ZDHHC21: variants seen among roughly 807,000 people sequenced by gnomAD.
ZDHHC21 encodes palmitoyltransferase ZDHHC21.
A neutral mutation model predicts 34.6 loss-of-function variants in ZDHHC21; 15 were observed. The ratio of observed to expected loss-of-function variants is 0.43; its 90% confidence interval spans 0.29 to 0.67. ZDHHC21 has a LOEUF of 0.67. Among genes scored for constraint, ZDHHC21 ranks in the 30% least tolerant of loss-of-function variants. The probability of loss-of-function intolerance (pLI) is 0.14; values close to 1 mark genes in which losing one functional copy is unlikely to be tolerated. For missense variants in ZDHHC21, 344 were observed against 327.7 expected (o/e 1.05, Z -0.38); for synonymous variants, 142 against 101.8 (o/e 1.40, Z -2.38).
At chr9:14,602,013 G>C in the ZDHHC21 span, among the ~76,000 whole-genome samples, 1 of 151,988 alleles carries the variant, frequency 6.6e-6, no homozygotes, top group East Asian at 1.9e-4. Flanking sequence ...GGGGAGCTAG[G>C]GGAGGGATAG....
In ZDHHC21 at chr9:14,662,271, G is replaced by C. The variant is rs751884209; in HGVS notation, c.309C>G (p.Ser103=). ...AGTGGCCGCAGCGGCTACAGTGATG[G>C]GAACGCTTTGGTCTCATCAAATTAC... ...NKCNLMRPKR[S]HHCSRCGHCV... is the part of the protein sequence containing the mutation. The change falls in exon 6 of 10, where the codon TCC becomes TCG. Residue 103 remains serine, a synonymous_variant. Transcript: ENST00000380916. 3.7e-6 allele frequency: 6 copies of C among 1,612,836 alleles called. No homozygotes were observed. In the Admixed American group the frequency reaches 8.4e-5, roughly 23 times the overall value.
intron 8 of ZDHHC21, among the ~76,000 whole-genome samples, chr9:14,628,053 G>A (rs1430255186): frequency 1.3e-5 from 2 of 152,126 alleles, no homozygotes; most frequent in African/African-American, 4.8e-5. Context: ...AATATAAATT[G>A]TAGTAAAAAC....
chr9:14,598,505 G>T, the ZDHHC21 span, among the ~76,000 whole-genome samples: 1 of 152,128 alleles, frequency 6.6e-6, no homozygotes, highest in African/African-American at 2.4e-5. Context: ...TATTACATGA[G>T]ATGTGCAGAT....
At chr9:14,623,242 G>C (rs1825621553) in intron 8 of ZDHHC21, among the ~76,000 whole-genome samples, 1 of 152,114 alleles carries the variant, frequency 6.6e-6, no homozygotes, top group African/African-American at 2.4e-5. Flanking sequence ...GCTGGGTGCG[G>C]TGGCTCACGC....
intron 2 of ZDHHC21, among the ~76,000 whole-genome samples, chr9:14,681,368 T>G (rs1324350298): frequency 6.6e-6 from 1 of 152,100 alleles, no homozygotes; most frequent in African/African-American, 2.4e-5. Flanking sequence ...TACAGCTGGG[T>G]ACCACTGCAA....
chr9:14,626,269 A>G (rs926760624), intron 8 of ZDHHC21, among the ~76,000 whole-genome samples: 1 of 152,128 alleles, frequency 6.6e-6, no homozygotes, highest in African/African-American at 2.4e-5. Context: ...AACCATAAAT[A>G]TAAGATTTAC....
chr9:14,684,591 T>C (rs1296638727), intron 2 of ZDHHC21, among the ~76,000 whole-genome samples: 1 of 151,552 alleles, frequency 6.6e-6, no homozygotes, highest in Admixed American at 6.6e-5. Context: ...TGCTCATGGG[T>C]AGGAAGAATC....
chr9:14,619,048 G>A lies in ZDHHC21; in HGVS notation c.716C>T (p.Thr239Ile), dbSNP rs570322324. The A allele has an allele frequency of 6.2e-7, 1 of 1,612,248 alleles. No homozygotes were observed. Among genetic ancestry groups the A allele is most frequent in the South Asian group, 1.1e-5 (1 of 90,874 alleles). Reference protein sequence around the residue: ...WQQTFSEVFGTRWKILWFIPF... With the variant: ...WQQTFSEVFGIRWKILWFIPF... ...AATGAACCACAGGATCTTCCAACGA[G>A]TGCCAAAAACTTCTGAGAAGGTCTG... Residue 239 changes from threonine (T) to isoleucine (I), a missense_variant, in exon 10 of 10, where the codon ACT becomes ATT. Coordinates refer to ENST00000380916, the MANE Select transcript of ZDHHC21 (RefSeq NM_178566.6).
rs1202809202 is a variant in ZDHHC21 at position 14,611,257 on chromosome 9, C to T, written c.*7709G>A. On this transcript the variant is annotated 3_prime_UTR_variant, in exon 10 of 10. Transcript: ENST00000380916. ...AACAACATTGTTCTTAAGGTAGATA[C>T]ATGGTTTGATTTTCACATTAAGAAC... 3 of 151,962 alleles carry T rather than the reference C, an allele frequency of 2.0e-5. No homozygotes were observed. The highest frequency in any genetic ancestry group is 7.2e-5 in the African/African-American group (3 of 41,400). 9.4% of individuals were successfully genotyped at this position (151,962 alleles called of 1,614,324 possible). A position where few individuals can be genotyped will look rare whatever the true frequency, so the allele number is the denominator to read the frequency against.
Position 14,613,402 on chromosome 9 carries a change from C to G in ZDHHC21, c.*5564G>C, listed in dbSNP as rs1415092989. ...GTTATAAAACACGAACTTCAGGCAC[C>G]AGTAGGTTAAAATATCATCCAATGT... On this transcript the variant is annotated 3_prime_UTR_variant, in exon 10 of 10. Transcript: ENST00000380916. The G allele has an allele frequency of 6.6e-6, 1 of 151,676 alleles. No individual in the cohort carries two copies. The highest frequency in any genetic ancestry group is 2.4e-5 in the African/African-American group (1 of 41,352). The allele number at this position is 151,676 out of a possible 1,614,324, so 9.4% of individuals were successfully genotyped here. A position where few individuals can be genotyped will look rare whatever the true frequency, so the allele number is the denominator to read the frequency against.
At chr9:14,670,448 T>G (rs1342542552) in intron 5 of ZDHHC21, among the ~76,000 whole-genome samples, 2 of 152,152 alleles carry the variant, frequency 1.3e-5, no homozygotes, top group African/African-American at 4.8e-5. Flanking sequence ...AAAATTCAAA[T>G]TTCTGGGTCC....
intron 8 of ZDHHC21, among the ~76,000 whole-genome samples, chr9:14,629,954 G>A (rs1827032735): frequency 6.6e-6 from 1 of 152,160 alleles, no homozygotes; most frequent in South Asian, 2.1e-4. Context: ...GCTGAGGCAG[G>A]AGAATCGCTT....
chr9:14,636,196 T>G (rs912424253), intron 8 of ZDHHC21, among the ~76,000 whole-genome samples: 1 of 152,042 alleles, frequency 6.6e-6, no homozygotes, highest in African/African-American at 2.4e-5. Flanking sequence ...TAAAGACACA[T>G]AGACTGAAAG....
chr9:14,654,902 C>T (rs7853156), intron 7 of ZDHHC21, among the ~76,000 whole-genome samples: 23,673 of 151,818 alleles, frequency 0.16, 2,098 homozygotes, highest in South Asian at 0.34. Context: ...TAAGTAGAAT[C>T]CCAGAACTGC....
intron 2 of ZDHHC21, among the ~76,000 whole-genome samples, chr9:14,684,841 G>T (rs892425111): frequency 1.3e-5 from 2 of 152,140 alleles, no homozygotes; most frequent in Non-Finnish European, 2.9e-5. Flanking sequence ...CATGGTACTG[G>T]TACCAAAACA....
At chr9:14,607,293 T>C (rs912585937), downstream of ZDHHC21, among the ~76,000 whole-genome samples, 1 of 151,968 alleles carries the variant, frequency 6.6e-6, no homozygotes, top group East Asian at 1.9e-4. Flanking sequence ...ACAAAAAATA[T>C]AAAAATTAGC....
At chr9:14,680,431 T>C (rs1484706239) in intron 2 of ZDHHC21, among the ~76,000 whole-genome samples, 1 of 152,088 alleles carries the variant, frequency 6.6e-6, no homozygotes, top group Non-Finnish European at 1.5e-5. Flanking sequence ...CAAATAAGCA[T>C]TATATGTCCA....
intron 8 of ZDHHC21, among the ~76,000 whole-genome samples, chr9:14,631,028 G>A (rs995516100): frequency 6.6e-6 from 1 of 152,156 alleles, no homozygotes; most frequent in Non-Finnish European, 1.5e-5. Context: ...GCATTTAACC[G>A]TAACAAGAGA....
At chr9:14,619,601 AT>A in intron 9 of ZDHHC21, 37 bp downstream of exon 9, 1 of 1,349,580 alleles carries the variant, frequency 7.4e-7, no homozygotes, top group Middle Eastern at 1.9e-4. Context: ...GTTCTTTCCA[AT>A]TTTAAATAAT....
Sources: allele counts gnomAD v4.1 joint callset (sites outside exome capture counted in the v4.1 genomes callset), GRCh38; gene constraint gnomAD v4.1.1; transcripts MANE v1.5; gene names NCBI Gene and HGNC (gene_info 2026-07-23, HGNC 2026-07-21).